Variants in MUC12 observed in about 807,000 individuals in gnomAD.
MUC12 encodes the protein mucin-12.
In MUC12, 172 loss-of-function variants were observed where a neutral mutation model predicts 230.8. The observed-to-expected ratio is 0.75, with a 90% confidence interval of 0.66 to 0.85. The LOEUF (loss-of-function observed/expected upper bound fraction) is 0.85, where lower values mean the gene tolerates loss of function less well. MUC12 is among the 40% of genes least tolerant of loss of function. MUC12 has a pLI of 0.00. For synonymous variants in MUC12, 1,259 were observed against 2,401.9 expected (o/e 0.52, Z 13.91); for missense variants, 3,506 against 5,920.6 (o/e 0.59, Z 13.38).
chr7:100,992,045 C>G lies in MUC12; in HGVS notation c.1482C>G (p.Thr494=). 1 of 1,537,932 alleles carries G rather than the reference C, an allele frequency of 6.5e-7. No homozygotes were observed. The change falls in exon 2 of 12, where the codon ACC becomes ACG. Residue 494 remains threonine (T), a synonymous_variant. Coordinates refer to ENST00000536621, the MANE Select transcript of MUC12 (RefSeq NM_001164462.2). The part of the protein sequence containing the change: ...TTKPGLSEKS[T]TFYSSPRSPD... ...AACCAGGCCTCAGTGAGAAATCTAC[C>G]ACTTTCTACAGTAGCCCCAGATCAC... is the stretch of plus-strand genomic sequence containing the variant.
chr7:101,006,704 G>A, intron 3 of MUC12, 132 bp downstream of exon 3: 1 of 655,968 alleles, frequency 1.5e-6, no homozygotes, highest in Non-Finnish European at 2.7e-6. Flanking sequence ...CAGCAACACT[G>A]TAGGGAGAAC....
In MUC12 at chr7:100,977,050, C is replaced by CAA. The variant is rs1157648244; in HGVS notation, c.67+7392_67+7393dup. 4.7e-3 allele frequency among the ~76,000 whole-genome samples: 291 copies of CAA among 62,364 alleles called. 1 individual carries two copies. The highest frequency in any genetic ancestry group is 6.0e-3 in the African/African-American group (94 of 15,590). 40.9% of individuals were successfully genotyped at this position (62,364 alleles called of 152,430 possible). A position where few individuals can be genotyped will look rare whatever the true frequency, so the allele number is the denominator to read the frequency against. On this transcript the variant is annotated intron_variant, in intron 1 of 11. Coordinates refer to ENST00000536621, the MANE Select transcript of MUC12 (RefSeq NM_001164462.2). The stretch of plus-strand genomic sequence containing the variant: ...TTGGTGACAGACCAAGACTCCATCT[C>CAA]AAAAAAAAAAAAAAAAAAAAAAAAA...
chr7:101,004,316 G>GCAA lies in MUC12; in HGVS notation c.13759_13761dup (p.Thr4587dup). ...AGTCCACAGCAGCCCAGTTGCAACT[G>GCAA]CAACAACACCCTCGCCTGCCCGCTC... On this transcript the variant is annotated inframe_insertion, in exon 2 of 12. Coordinates refer to ENST00000536621, the MANE Select transcript of MUC12 (RefSeq NM_001164462.2). 1 of 1,146,270 alleles carries GCAA rather than the reference G, an allele frequency of 8.7e-7. No homozygotes were observed. Among genetic ancestry groups the GCAA allele is most frequent in the Non-Finnish European group, 1.2e-6 (1 of 856,148 alleles). 71.0% of individuals were successfully genotyped at this position (1,146,270 alleles called of 1,614,324 possible). A position where few individuals can be genotyped will look rare whatever the true frequency, so the allele number is the denominator to read the frequency against.
Position 100,969,661 on chromosome 7 carries a change from C to T in MUC12, c.39C>T (p.Leu13=). Reference sequence around the variant, plus strand: ...GGATTCTGACGCTGGCTCTCCGGCTCTGCGCGTCCGTTACTACAGTGACAC... The same window carrying T: ...GGATTCTGACGCTGGCTCTCCGGCTTTGCGCGTCCGTTACTACAGTGACAC... ...VIWILTLALR[L]CASVTTVTPG... Residue 13 remains leucine, a synonymous_variant, in exon 1 of 12, where the codon CTC becomes CTT. Transcript: ENST00000536621. The T allele has an allele frequency of 6.5e-7, 1 of 1,537,042 alleles. No individual in the cohort carries two copies. Among genetic ancestry groups the T allele is most frequent in the Non-Finnish European group, 8.7e-7 (1 of 1,146,798 alleles).
At chr7:100,989,280 T>C (rs1267826066) in intron 1 of MUC12, among the ~76,000 whole-genome samples, 1 of 151,928 alleles carries the variant, frequency 6.6e-6, no homozygotes, top group African/African-American at 2.4e-5. Flanking sequence ...GGCTAATTTT[T>C]GTATTTTTAG....
intron 10 of MUC12, among the ~76,000 whole-genome samples, chr7:101,016,713 G>A (rs914096355): frequency 6.6e-6 from 1 of 151,378 alleles, no homozygotes; most frequent in African/African-American, 2.4e-5. Context: ...GGGAGGGAGA[G>A]GAGACGCAGC....
At chr7:101,016,547 T>A (rs1793924388) in intron 10 of MUC12, among the ~76,000 whole-genome samples, 1 of 152,160 alleles carries the variant, frequency 6.6e-6, no homozygotes, top group Non-Finnish European at 1.5e-5. Context: ...ACTCCAGACC[T>A]TAGGTGATCC....
At chr7:100,982,409 CTAAAAG>C (rs1196194158) in intron 1 of MUC12, among the ~76,000 whole-genome samples, 1 of 151,706 alleles carries the variant, frequency 6.6e-6, no homozygotes, top group Non-Finnish European at 1.5e-5. Flanking sequence ...TTTATTGGGG[CTAAAAG>C]TAAAAGTCAT....
Position 101,005,167 on chromosome 7 carries a change from C to G in MUC12, c.14604C>G (p.Ser4868Arg), listed in dbSNP as rs1354770765. 17 of 1,537,798 alleles carry G rather than the reference C, an allele frequency of 1.1e-5. 1 individual carries two copies. In the South Asian group the frequency reaches 1.8e-4, roughly 16 times the overall value. Residue 4868 changes from serine (S) to arginine (R), a missense_variant, in exon 2 of 12, where the codon AGC (serine) becomes AGG (arginine). Coordinates refer to ENST00000536621, the MANE Select transcript of MUC12 (RefSeq NM_001164462.2). ...CTGAAACCACAGCGTTTTCTCACAGCAACACAATGTCCATTCATAGTCAAC... is the reference window on the plus strand; with the variant it reads ...CTGAAACCACAGCGTTTTCTCACAGGAACACAATGTCCATTCATAGTCAAC... Reference protein sequence around the residue: ...GSTETTAFSHSNTMSIHSQQS... With the variant: ...GSTETTAFSHRNTMSIHSQQS...
intron 1 of MUC12, chr7:100,981,432 C>T (rs1057458620): frequency 3.9e-5 from 24 of 611,764 alleles, no homozygotes; most frequent in Admixed American, 1.4e-4. Flanking sequence ...ATGGCAGAGC[C>T]GAGGGCTTTA....
intron 1 of MUC12, among the ~76,000 whole-genome samples, chr7:100,984,143 A>G (rs1412800079): frequency 6.6e-6 from 1 of 152,200 alleles, no homozygotes; most frequent in Non-Finnish European, 1.5e-5. Context: ...TATGACACAT[A>G]CAAATAGCAA....
rs1428449568 is a variant in MUC12, at chr7:100,993,874, T to A, written c.3311T>A (p.Phe1104Tyr). Residue 1104 changes from phenylalanine (F) to tyrosine (Y), a missense_variant, in exon 2 of 12, where the codon TTC becomes TAC. Physicochemically the swap from Phe to Tyr is conservative, Grantham distance 22. Coordinates refer to ENST00000536621, the MANE Select transcript of MUC12 (RefSeq NM_001164462.2). ...TPGLSEASTT[F>Y]YSSPRSPTTT... ...GGCCTCAGTGAGGCATCTACCACCT[T>A]CTACAGCAGCCCCAGATCACCAACC... 5 of 1,490,790 alleles carry A rather than the reference T, an allele frequency of 3.4e-6. No individual in the cohort carries two copies. The Admixed American group carries it at 1.0e-4, about 31-fold the overall frequency. The allele number at this position is 1,490,790 out of a possible 1,614,324, so 92.3% of individuals were successfully genotyped here. A position where few individuals can be genotyped will look rare whatever the true frequency, so the allele number is the denominator to read the frequency against.
In MUC12 at chr7:101,002,816, A is replaced by G; in HGVS notation, c.12253A>G (p.Ser4085Gly). 8.6e-7 allele frequency: 1 copy of G among 1,159,460 alleles called. No individual in the cohort carries two copies. The highest frequency in any genetic ancestry group is 1.2e-6 in the Non-Finnish European group (1 of 836,704). 71.8% of individuals were successfully genotyped at this position (1,159,460 alleles called of 1,614,324 possible). Residue 4085 changes from serine (S) to glycine (G), a missense_variant, in exon 2 of 12, where the codon AGC becomes GGC. Coordinates refer to ENST00000536621, the MANE Select transcript of MUC12 (RefSeq NM_001164462.2). ...EESTTFQSWP[S>G]SSDTTPSPPS... Reference sequence around the variant, plus strand: ...ATCTACCACTTTCCAGAGCTGGCCAAGCTCAAGTGACACAACACCTTCACC... The same window carrying G: ...ATCTACCACTTTCCAGAGCTGGCCAGGCTCAAGTGACACAACACCTTCACC...
chr7:101,005,482 A>C lies in MUC12; in HGVS notation c.14919A>C (p.Thr4973=). 5 of 1,537,566 alleles carry C rather than the reference A, an allele frequency of 3.3e-6. No individual in the cohort carries two copies. Among genetic ancestry groups the C allele is most frequent in the Non-Finnish European group, 4.4e-6 (5 of 1,146,896 alleles). Residue 4973 remains threonine (T), a synonymous_variant, in exon 2 of 12, where the codon ACA becomes ACC. Transcript: ENST00000536621. ...TFHTSPSFTS[T]IVSTESLETL... is the part of the protein sequence containing the mutation. ...ACACCAGTCCAAGCTTCACTTCTAC[A>C]ATTGTGTCTACTGAAAGCCTGGAAA...
rs757056521 is a variant in MUC12, at chr7:101,006,496, G to C, written c.14982G>C (p.Trp4994Cys). The C allele has an allele frequency of 1.3e-6, 2 of 1,537,232 alleles. No homozygotes were observed. The highest frequency in any genetic ancestry group is 2.4e-5 in the South Asian group (2 of 84,052). Residue 4994 changes from tryptophan to cysteine, a missense_variant, in exon 3 of 12, where the codon TGG (tryptophan) becomes TGC (cysteine). Transcript: ENST00000536621. Reference protein sequence around the residue: ...APGLCQEGQIWNGKQCVCPQG... With the variant: ...APGLCQEGQICNGKQCVCPQG... ...GGTTGTGCCAGGAAGGACAAATTTG[G>C]AATGGAAAACAATGCGTCTGTCCCC...
At chr7:100,986,991 G>A (rs1338073678) in intron 1 of MUC12, among the ~76,000 whole-genome samples, 2 of 150,996 alleles carry the variant, frequency 1.3e-5, no homozygotes, top group East Asian at 1.9e-4. Context: ...AATCCTACAC[G>A]TACTGTCCCA....
chr7:101,014,602 C>T (rs1361899655), intron 9 of MUC12, among the ~76,000 whole-genome samples: 5 of 152,056 alleles, frequency 3.3e-5, no homozygotes, highest in East Asian at 1.9e-4. Flanking sequence ...CTCAGCCTCT[C>T]GAGTAGCTGG....
At position 101,004,509 on chromosome 7, in the gene MUC12, C is replaced by T. The variant is rs1182174057; in HGVS notation, c.13946C>T (p.Ser4649Phe). The change falls in exon 2 of 12, where the codon TCT (serine) becomes TTT (phenylalanine). Residue 4649 changes from serine (S) to phenylalanine (F), a missense_variant. Physicochemically the swap from Ser to Phe is radical, Grantham distance 155 (BLOSUM62 -2). Coordinates refer to ENST00000536621, the MANE Select transcript of MUC12 (RefSeq NM_001164462.2). Reference sequence around the variant, plus strand: ...ATATCTTCACCTCCTAGCACCACATCTGCCCTTGTTGAAGAACCTACCAGC... The same window carrying T: ...ATATCTTCACCTCCTAGCACCACATTTGCCCTTGTTGAAGAACCTACCAGC... ...HTISSPPSTT[S>F]ALVEEPTSYH... 1 of 1,535,614 alleles carries T rather than the reference C, an allele frequency of 6.5e-7. No homozygotes were observed.
At position 101,002,826 on chromosome 7, in the gene MUC12, A is replaced by G. The variant is rs1192370832; in HGVS notation, c.12263A>G (p.Asp4088Gly). Residue 4088 changes from aspartate to glycine, a missense_variant, in exon 2 of 12, where the codon GAC becomes GGC. Physicochemically the swap from Asp to Gly is moderately conservative, Grantham distance 94. Coordinates refer to ENST00000536621, the MANE Select transcript of MUC12 (RefSeq NM_001164462.2). ...TTCCAGAGCTGGCCAAGCTCAAGTG[A>G]CACAACACCTTCACCTCCCAGCACC... is the stretch of plus-strand genomic sequence containing the variant. ...TTFQSWPSSS[D>G]TTPSPPSTTA... The G allele has an allele frequency of 1.8e-6, 2 of 1,101,282 alleles. No individual in the cohort carries two copies. Among genetic ancestry groups the G allele is most frequent in the East Asian group, 6.3e-5 (2 of 31,716 alleles). The allele number at this position is 1,101,282 out of a possible 1,614,324, so 68.2% of individuals were successfully genotyped here. A position where few individuals can be genotyped will look rare whatever the true frequency, so the allele number is the denominator to read the frequency against.
Sources: allele counts gnomAD v4.1 joint callset (sites outside exome capture counted in the v4.1 genomes callset), GRCh38; gene constraint gnomAD v4.1.1; transcripts MANE v1.5; gene names NCBI Gene and HGNC (gene_info 2026-07-23, HGNC 2026-07-21).